CDC14B: variants seen among roughly 807,000 people sequenced by gnomAD.
CDC14B encodes dual specificity protein phosphatase CDC14B.
Under a neutral mutation model 64.2 loss-of-function variants are expected in CDC14B, and 22 were observed. The observed-to-expected ratio is 0.34, with a 90% CI of 0.24 to 0.49. The LOEUF (loss-of-function observed/expected upper bound fraction) is 0.49. CDC14B is among the 20% of genes least tolerant of loss of function. The pLI is 0.99. For missense variants in CDC14B, 498 were observed against 629.9 expected (o/e 0.79, Z 2.24); for synonymous variants, 191 against 215.8 (o/e 0.89, Z 1.01).
chr9:96,610,360 G>C (rs376834686), intron 1 of CDC14B, among the ~76,000 whole-genome samples: 1 of 151,916 alleles, frequency 6.6e-6, no homozygotes, highest in South Asian at 2.1e-4. Flanking sequence ...CACCACGCCC[G>C]GCTAATTTTT....
Position 96,566,824 on chromosome 9 carries a change from A to G in CDC14B, c.161-1341T>C, listed in dbSNP as rs577223941. The G allele has an allele frequency of 2.6e-5, 41 of 1,603,374 alleles. 1 individual carries two copies. In the South Asian group the frequency reaches 3.5e-4, roughly 14 times the overall value. On this transcript the variant is annotated intron_variant, in intron 1 of 13. Transcript: ENST00000375241. ...CGCGCCCTCCCGGCTCATGACTCCAAAGCATCTGGAAGGCGGGGCAGAGGC... is the reference window on the plus strand; with the variant it reads ...CGCGCCCTCCCGGCTCATGACTCCAGAGCATCTGGAAGGCGGGGCAGAGGC...
chr9:96,502,507 G>A lies in CDC14B; in HGVS notation c.*1246C>T. ...TCAGCCCTCCATGCTCCCGGCACAGGCAAAAATGGCTTAACAATCATTAAA... is the reference window on the plus strand; with the variant it reads ...TCAGCCCTCCATGCTCCCGGCACAGACAAAAATGGCTTAACAATCATTAAA... On this transcript the variant is annotated 3_prime_UTR_variant, in exon 14 of 14. Coordinates refer to ENST00000375241, the MANE Select transcript of CDC14B (RefSeq NM_033331.4). 5.3e-6 allele frequency: 1 copy of A among 187,856 alleles called. No individual in the cohort carries two copies. The highest frequency in any genetic ancestry group is 1.1e-5 in the Non-Finnish European group (1 of 91,964). 11.6% of individuals were successfully genotyped at this position (187,856 alleles called of 1,614,324 possible).
intron 7 of CDC14B, among the ~76,000 whole-genome samples, chr9:96,536,627 A>G (rs2131775245): frequency 6.6e-6 from 1 of 152,336 alleles, no homozygotes; most frequent in East Asian, 1.9e-4. Context: ...ATTAACTGAA[A>G]TTGAAAAAAC....
rs373160930 is a variant in CDC14B, at chr9:96,560,582, C to CTTTTTT, written c.420+2110_420+2111insAAAAAA. 4.6e-4 allele frequency among the ~76,000 whole-genome samples: 59 copies of CTTTTTT among 127,646 alleles called. 7 individuals carry two copies. The highest frequency in any genetic ancestry group is 6.9e-4 in the African/African-American group (22 of 31,776). 83.7% of individuals were successfully genotyped at this position (127,646 alleles called of 152,430 possible). On this transcript the variant is annotated intron_variant, in intron 4 of 13. Coordinates refer to ENST00000375241, the MANE Select transcript of CDC14B (RefSeq NM_033331.4). ...GGTTCATACATAGACTTTTCTCTTT[C>CTTTTTT]TCTTTTTTTTTTTTTTTTTGAGACG...
chr9:96,508,718 T>C (rs990860156), intron 13 of CDC14B, among the ~76,000 whole-genome samples: 12 of 152,096 alleles, frequency 7.9e-5, no homozygotes, highest in Non-Finnish European at 1.5e-5. Context: ...GAATGAGTCT[T>C]CAAAAGGCAA....
downstream of CDC14B, among the ~76,000 whole-genome samples, chr9:96,499,218 C>T (rs546037946): frequency 7.9e-4 from 120 of 152,230 alleles, no homozygotes; most frequent in African/African-American, 1.3e-3. Context: ...GGGAGAGGGG[C>T]GAGAAGGCAG....
intron 3 of CDC14B, 25 bp downstream of exon 3, chr9:96,564,752 T>A: frequency 7.0e-7 from 1 of 1,421,708 alleles, no homozygotes; most frequent in Non-Finnish European, 9.7e-7. Context: ...CAATGATTAC[T>A]TAAGTCAAAT....
chr9:96,570,349 A>G (rs13299900), intron 1 of CDC14B, among the ~76,000 whole-genome samples: 1 of 152,190 alleles, frequency 6.6e-6, no homozygotes, highest in Non-Finnish European at 1.5e-5. Context: ...GATTTGAAGA[A>G]CCCTATTTGG....
Position 96,577,235 on chromosome 9 carries a change from A to T in CDC14B, c.161-11752T>A, listed in dbSNP as rs868662643. ...CACTGCACTCCAGCCTGGGTGACAG[A>T]GCGAGACTCCATCTCAAAAAAAAAA... On this transcript the variant is annotated intron_variant, in intron 1 of 13. Transcript: ENST00000375241. 3.3e-5 allele frequency among the ~76,000 whole-genome samples: 5 copies of T among 149,710 alleles called. No individual in the cohort carries two copies. In the South Asian group the frequency reaches 1.1e-3, roughly 32 times the overall value.
At chr9:96,540,323 G>C (rs1439042760) in intron 6 of CDC14B, among the ~76,000 whole-genome samples, 4 of 152,042 alleles carry the variant, frequency 2.6e-5, no homozygotes, top group African/African-American at 9.7e-5. Context: ...TCAGAAGATA[G>C]TGACCCTTAA....
At chr9:96,607,367 TC>T (rs1847021871) in intron 1 of CDC14B, among the ~76,000 whole-genome samples, 1 of 151,260 alleles carries the variant, frequency 6.6e-6, no homozygotes, top group Admixed American at 6.6e-5. Context: ...TTTTTTTTTT[TC>T]ATTTTGGAGC....
chr9:96,604,679 G>A (rs1343625097), intron 1 of CDC14B, among the ~76,000 whole-genome samples: 1 of 150,166 alleles, frequency 6.7e-6, no homozygotes, highest in African/African-American at 2.5e-5. Context: ...GGGGGGCGGG[G>A]CAGGAGGGGG....
chr9:96,527,864 C>G (rs2131618199), intron 9 of CDC14B, among the ~76,000 whole-genome samples: 1 of 152,280 alleles, frequency 6.6e-6, no homozygotes, highest in South Asian at 2.1e-4. Context: ...ATCCGCCCAC[C>G]TCAGCCTCCC....
At chr9:96,562,164 C>G (rs1300372387) in intron 4 of CDC14B, among the ~76,000 whole-genome samples, 1 of 152,188 alleles carries the variant, frequency 6.6e-6, no homozygotes, top group Non-Finnish European at 1.5e-5. Flanking sequence ...TGTAACCCAT[C>G]TTCTGACAAC....
intron 1 of CDC14B, among the ~76,000 whole-genome samples, chr9:96,592,132 A>C (rs1845827303): frequency 6.6e-6 from 1 of 152,052 alleles, no homozygotes; most frequent in African/African-American, 2.4e-5. Flanking sequence ...AGGCTGGAGT[A>C]CAGTGGAAAA....
intron 1 of CDC14B, among the ~76,000 whole-genome samples, chr9:96,572,661 T>C (rs1564362988): frequency 6.6e-6 from 1 of 151,942 alleles, no homozygotes; most frequent in African/African-American, 2.4e-5. Context: ...AAAAAGCCTA[T>C]CAACATGAAC....
At chr9:96,529,245 T>C (rs202001782) in intron 9 of CDC14B, among the ~76,000 whole-genome samples, 1 of 152,344 alleles carries the variant, frequency 6.6e-6, no homozygotes, top group East Asian at 1.9e-4. Context: ...TCCATTTTAA[T>C]TTTTGTATAT....
At chr9:96,606,965 T>C (rs1846987577) in intron 1 of CDC14B, among the ~76,000 whole-genome samples, 1 of 151,466 alleles carries the variant, frequency 6.6e-6, no homozygotes, top group African/African-American at 2.4e-5. Flanking sequence ...GCACAGGAAA[T>C]GGAGGCTGCT....
intron 1 of CDC14B, among the ~76,000 whole-genome samples, chr9:96,578,130 T>C (rs866052189): frequency 1.3e-5 from 2 of 152,146 alleles, no homozygotes; most frequent in Non-Finnish European, 2.9e-5. Flanking sequence ...AAAACTGCAA[T>C]AGTCAAATAA....
Sources: allele counts gnomAD v4.1 joint callset (sites outside exome capture counted in the v4.1 genomes callset), GRCh38; gene constraint gnomAD v4.1.1; transcripts MANE v1.5; gene names NCBI Gene and HGNC (gene_info 2026-07-23, HGNC 2026-07-21).